SMTNL1: variants seen among roughly 807,000 people sequenced by gnomAD.
SMTNL1 encodes the protein smoothelin-like protein 1.
Under a neutral mutation model 46.6 loss-of-function variants are expected in SMTNL1, and 41 were observed. The ratio of observed to expected loss-of-function variants is 0.88; its 90% CI spans 0.69 to 1.14. SMTNL1 has a LOEUF of 1.14. Ranked by LOEUF, SMTNL1 falls within the 50% of genes most tolerant of loss-of-function variation. The pLI, the probability that SMTNL1 is intolerant of heterozygous loss-of-function variation, is 0.00. For synonymous variants in SMTNL1, 234 were observed against 234.2 expected (o/e 1.00, Z 0.01); for missense variants, 591 against 626.1 (o/e 0.94, Z 0.60).
At position 57,543,381 on chromosome 11, in the gene SMTNL1, GA is replaced by G. The variant is rs1160652750; in HGVS notation, c.732+8del. 3.1e-6 allele frequency: 5 copies of G among 1,611,720 alleles called. No individual in the cohort carries two copies. Among genetic ancestry groups the G allele is most frequent in the African/African-American group, 1.3e-5 (1 of 74,832 alleles). Reference sequence around the variant, plus strand: ...GGAGGATGCAGAGGAGGCAGTGAGTGAGGCAGGAAAGGAGCAAGGAGGCTCT... The same window carrying G: ...GGAGGATGCAGAGGAGGCAGTGAGTGGGCAGGAAAGGAGCAAGGAGGCTCT... On this transcript the variant is annotated splice_region_variant and intron_variant, in intron 2 of 7. Transcript: ENST00000527972.
chr11:57,540,955 C>T (rs555095450), intron 1 of SMTNL1, among the ~76,000 whole-genome samples: 1 of 152,236 alleles, frequency 6.6e-6, no homozygotes, highest in East Asian at 1.9e-4. Context: ...GTGATCTGCC[C>T]GCTACGGGCT....
chr11:57,547,222 C>G (rs1455272370), intron 7 of SMTNL1, among the ~76,000 whole-genome samples: 2 of 152,242 alleles, frequency 1.3e-5, no homozygotes, highest in Non-Finnish European at 1.5e-5. Flanking sequence ...GCAAGCAGCT[C>G]TGCTCTCACC....
chr11:57,545,800 C>CAA, intron 4 of SMTNL1, 81 bp from the exon 5 acceptor site: 1 of 1,308,424 alleles, frequency 7.6e-7, no homozygotes, highest in Non-Finnish European at 1.1e-6. Flanking sequence ...GCCACCCACC[C>CAA]TCCAGCCCCA....
intron 1 of SMTNL1, among the ~76,000 whole-genome samples, chr11:57,540,741 C>T (rs911543656): frequency 2.0e-5 from 3 of 149,852 alleles, no homozygotes; most frequent in Admixed American, 6.7e-5. Context: ...GACGGAGTCT[C>T]GCTTTGTTGC....
intron 1 of SMTNL1, among the ~76,000 whole-genome samples, chr11:57,541,838 C>T (rs766672226): frequency 3.9e-5 from 6 of 152,128 alleles, no homozygotes; most frequent in Non-Finnish European, 8.8e-5. Flanking sequence ...CTCAGTATCA[C>T]TTACCAGAGA....
chr11:57,542,111 A>ACACACACACAC (rs1491501897), intron 1 of SMTNL1, among the ~76,000 whole-genome samples: 1,296 of 87,912 alleles, frequency 0.015, 20 homozygotes, highest in African/African-American at 0.056. Flanking sequence ...CTACAAAAAA[A>ACACACACACAC]AAACACACAC....
In SMTNL1 at chr11:57,543,730, C is replaced by T. The variant is rs1200913154; in HGVS notation, c.839C>T (p.Thr280Ile). The T allele has an allele frequency of 8.3e-6, 13 of 1,565,510 alleles. No homozygotes were observed. The highest frequency in any genetic ancestry group is 1.9e-5 in the Admixed American group (1 of 51,998). ...CCAGAGGAGTGGCCTGAGAGCCCCA[C>T]TGGGGAGGGGCACAACCTCAGCACA... ...SSPEEWPESP[T>I]GEGHNLSTDG... The change falls in exon 3 of 8, where the codon ACT becomes ATT. Residue 280 changes from threonine (T) to isoleucine (I), a missense_variant. By Grantham distance (89) the Thr-to-Ile change is moderately conservative. Coordinates refer to ENST00000527972, the MANE Select transcript of SMTNL1 (RefSeq NM_001105565.3).
At chr11:57,544,322 G>C (rs1944905920) in intron 4 of SMTNL1, among the ~76,000 whole-genome samples, 1 of 152,222 alleles carries the variant, frequency 6.6e-6, no homozygotes, top group Non-Finnish European at 1.5e-5. Context: ...GGAGGTTGCA[G>C]TGAGCCGAGA....
Position 57,543,693 on chromosome 11 carries a change from A to T in SMTNL1, c.802A>T (p.Ile268Phe). Residue 268 changes from isoleucine to phenylalanine, a missense_variant, in exon 3 of 8, where the codon ATT becomes TTT. By Grantham distance (21) the Ile-to-Phe change is conservative. Transcript: ENST00000527972. The stretch of plus-strand genomic sequence containing the variant: ...AGAGCCAGAGGGAGGGGCAGGGGTG[A>T]TTCCCAGCTCCCCAGAGGAGTGGCC... Reference protein sequence around the residue: ...EKEPEGGAGVIPSSPEEWPES... With the variant: ...EKEPEGGAGVFPSSPEEWPES... The T allele has an allele frequency of 1.9e-6, 3 of 1,590,084 alleles. No homozygotes were observed. The highest frequency in any genetic ancestry group is 2.6e-6 in the Non-Finnish European group (3 of 1,168,484).
intron 1 of SMTNL1, 139 bp from the exon 2 acceptor site, chr11:57,542,502 T>C: frequency 1.1e-6 from 1 of 948,724 alleles, no homozygotes; most frequent in Non-Finnish European, 1.5e-6. Context: ...CTCTCCTTCG[T>C]GATTGGGCCC....
intron 2 of SMTNL1, 116 bp downstream of exon 2, chr11:57,543,490 C>A (rs1371221669): frequency 6.6e-7 from 1 of 1,521,340 alleles, no homozygotes; most frequent in South Asian, 1.3e-5. Flanking sequence ...ATTTCCAGAG[C>A]CCAGGGTGGG....
chr11:57,542,589 C>T (rs1944887797), intron 1 of SMTNL1, 52 bp from the exon 2 acceptor site: 2 of 1,534,710 alleles, frequency 1.3e-6, no homozygotes, highest in Admixed American at 4.1e-5. Flanking sequence ...GTGGGGTCTT[C>T]ACCTCATGCT....
intron 1 of SMTNL1, among the ~76,000 whole-genome samples, 80 bp downstream of exon 1, chr11:57,537,722 C>T (rs561488759): frequency 1.3e-5 from 2 of 152,358 alleles, no homozygotes; most frequent in South Asian, 4.1e-4. Flanking sequence ...GGGCCAGAGC[C>T]TCCCAGGAGG....
intron 7 of SMTNL1, among the ~76,000 whole-genome samples, chr11:57,547,775 C>T (rs1944932488): frequency 6.6e-6 from 1 of 152,226 alleles, no homozygotes; most frequent in African/African-American, 2.4e-5. Context: ...GCATTGGTTG[C>T]AGGGAGCTTG....
chr11:57,542,615 C>T, intron 1 of SMTNL1, 26 bp from the exon 2 acceptor site: 2 of 1,573,382 alleles, frequency 1.3e-6, no homozygotes, highest in Non-Finnish European at 1.7e-6. Context: ...GGGGCATGAC[C>T]AGGTCTGCTT....
At chr11:57,546,065 G>T (rs1284324313) in intron 5 of SMTNL1, 29 bp downstream of exon 5, 1 of 1,546,524 alleles carries the variant, frequency 6.5e-7, no homozygotes, top group East Asian at 2.3e-5. Context: ...GCTGGGCTGG[G>T]CTTTCCCATA....
At chr11:57,541,700 C>A (rs1944879222) in intron 1 of SMTNL1, 1 of 687,058 alleles carries the variant, frequency 1.5e-6, no homozygotes, top group African/African-American at 1.9e-5. Context: ...TATACACCAC[C>A]TCTATAATTT....
chr11:57,546,349 TG>T lies in SMTNL1; in HGVS notation c.1188+5del. 6.9e-7 allele frequency: 1 copy of T among 1,444,922 alleles called. No homozygotes were observed. 89.5% of individuals were successfully genotyped at this position (1,444,922 alleles called of 1,614,324 possible). A position where few individuals can be genotyped will look rare whatever the true frequency, so the allele number is the denominator to read the frequency against. ...CGAGCCATGACAAAAAAATACGAGG[TG>T]GGCATGGGGCAGAGCTGCGTGGGTG... On this transcript the variant is annotated splice_donor_region_variant and intron_variant, in intron 6 of 7. Transcript: ENST00000527972.
intron 4 of SMTNL1, among the ~76,000 whole-genome samples, chr11:57,544,471 C>T (rs1052491273): frequency 1.3e-5 from 2 of 152,224 alleles, no homozygotes; most frequent in African/African-American, 4.8e-5. Context: ...CTGAAGTCTG[C>T]CCTGTGGCAT....
Sources: gnomAD v4.1 joint callset for allele counts (sites outside exome capture counted in the v4.1 genomes callset) on GRCh38, gnomAD v4.1.1 for gene constraint, MANE v1.5 for transcripts, NCBI Gene and HGNC (gene_info 2026-07-23, HGNC 2026-07-21) for gene names.